RANBP2: variants seen among roughly 807,000 people sequenced by gnomAD.
RANBP2 encodes RAN binding protein 2.
RANBP2 carries 57 observed loss-of-function variants against 303.6 expected under a neutral mutation model. The ratio of observed to expected loss-of-function variants is 0.19; its 90% CI spans 0.15 to 0.23. The LOEUF (loss-of-function observed/expected upper bound fraction) is 0.23. RANBP2 is among the 10% of genes least tolerant of loss of function. The pLI, the probability that RANBP2 is intolerant of heterozygous loss-of-function variation, is 1.00. For missense variants in RANBP2, 3,138 were observed against 3,780.8 expected (o/e 0.83, Z 4.46); for synonymous variants, 1,167 against 1,301.5 (o/e 0.90, Z 2.23).
chr2:109,646,613 T>G, the RANBP2 span, among the ~76,000 whole-genome samples: 1 of 151,286 alleles, frequency 6.6e-6, no homozygotes, highest in Non-Finnish European at 1.5e-5. Context: ...TGCATCAGCC[T>G]CCCGAATAGC....
chr2:109,026,926 C>T, the RANBP2 span, among the ~76,000 whole-genome samples: 3 of 151,514 alleles, frequency 2.0e-5, no homozygotes, highest in Non-Finnish European at 4.4e-5. Flanking sequence ...TGGTGGTGGG[C>T]GTCTCAAAAA....
chr2:108,894,388 C>G, the RANBP2 span: 1 of 152,536 alleles, frequency 6.6e-6, no homozygotes, highest in Admixed American at 6.6e-5. Flanking sequence ...TAACCAGGAA[C>G]AGAGCAATCA....
At chr2:109,089,323 C>T in the RANBP2 span, among the ~76,000 whole-genome samples, 2 of 152,028 alleles carry the variant, frequency 1.3e-5, no homozygotes, top group Admixed American at 6.5e-5. Context: ...CAGGGGTTGG[C>T]TGGGTGCAGT....
At chr2:109,501,178 G>A in the RANBP2 span, among the ~76,000 whole-genome samples, 2 of 152,164 alleles carry the variant, frequency 1.3e-5, no homozygotes, top group Non-Finnish European at 2.9e-5. Flanking sequence ...CCGCAGTCTA[G>A]GTGGGTGGGC....
the RANBP2 span, among the ~76,000 whole-genome samples, chr2:109,622,487 T>C: frequency 6.6e-6 from 1 of 152,226 alleles, no homozygotes; most frequent in African/African-American, 2.4e-5. Flanking sequence ...TTGAACACTC[T>C]GTTGTTACTT....
At chr2:109,706,992 C>CA in the RANBP2 span, among the ~76,000 whole-genome samples, 1 of 152,178 alleles carries the variant, frequency 6.6e-6, no homozygotes, top group African/African-American at 2.4e-5. Context: ...AGGGAAGACC[C>CA]ACCAGCTGCT....
the RANBP2 span, among the ~76,000 whole-genome samples, chr2:108,973,935 A>T: frequency 7.2e-5 from 11 of 152,236 alleles, no homozygotes; most frequent in African/African-American, 2.7e-4. Context: ...CGGAGCTGTA[A>T]GCATCACCTT....
the RANBP2 span, among the ~76,000 whole-genome samples, chr2:109,126,327 C>T: frequency 6.6e-6 from 1 of 152,174 alleles, no homozygotes; most frequent in African/African-American, 2.4e-5. Flanking sequence ...TCTTGTCTGT[C>T]TTGGGTCGTG....
At chr2:109,215,797 A>G in the RANBP2 span, among the ~76,000 whole-genome samples, 1 of 151,988 alleles carries the variant, frequency 6.6e-6, no homozygotes, top group Admixed American at 6.6e-5. Context: ...ATGAGCTGGG[A>G]TTTGCCCTGT....
chr2:109,122,545 A>G, the RANBP2 span, among the ~76,000 whole-genome samples: 1 of 152,190 alleles, frequency 6.6e-6, no homozygotes. Flanking sequence ...CCTCCACTGT[A>G]TGGGTTTGGT....
chr2:108,827,297 T>C, the RANBP2 span, among the ~76,000 whole-genome samples: 2 of 152,178 alleles, frequency 1.3e-5, no homozygotes, highest in Non-Finnish European at 2.9e-5. Context: ...ATCTTCCAAA[T>C]ACATCAATAT....
the RANBP2 span, among the ~76,000 whole-genome samples, chr2:109,203,063 A>G: frequency 0.031 from 4,765 of 152,242 alleles, 251 homozygotes; most frequent in African/African-American, 0.11. Flanking sequence ...GAGGCTCCAA[A>G]GGCTACAGAA....
chr2:109,264,304 C>T, the RANBP2 span, among the ~76,000 whole-genome samples: 2 of 148,750 alleles, frequency 1.3e-5, no homozygotes, highest in African/African-American at 2.5e-5. Flanking sequence ...ACAGGATCCA[C>T]CCCAAGTCTG....
At chr2:109,214,330 A>G in the RANBP2 span, among the ~76,000 whole-genome samples, 2 of 152,110 alleles carry the variant, frequency 1.3e-5, no homozygotes, top group African/African-American at 4.8e-5. Flanking sequence ...CTACCCTGGC[A>G]GAGGAGGGGC....
chr2:109,326,695 A>G, the RANBP2 span, among the ~76,000 whole-genome samples: 1 of 152,196 alleles, frequency 6.6e-6, no homozygotes, highest in Non-Finnish European at 1.5e-5. Context: ...TGAAAGATCT[A>G]TCTGTTCTTG....
chr2:109,349,268 G>A, the RANBP2 span, among the ~76,000 whole-genome samples: 1 of 152,112 alleles, frequency 6.6e-6, no homozygotes, highest in Admixed American at 6.5e-5. Context: ...TTGTTCTATT[G>A]TTCAGCCTGA....
At chr2:109,076,822 A>C in the RANBP2 span, among the ~76,000 whole-genome samples, 2 of 150,650 alleles carry the variant, frequency 1.3e-5, no homozygotes, top group African/African-American at 2.4e-5. Flanking sequence ...TACTGCCCAA[A>C]GTGACCTACA....
At chr2:109,578,731 C>T in the RANBP2 span, among the ~76,000 whole-genome samples, 1 of 151,782 alleles carries the variant, frequency 6.6e-6, no homozygotes, top group Admixed American at 6.6e-5. Flanking sequence ...TGTGCCACTG[C>T]ACTCTAGCCT....
At chr2:109,097,821 C>T in the RANBP2 span, among the ~76,000 whole-genome samples, 9 of 151,522 alleles carry the variant, frequency 5.9e-5, no homozygotes, top group African/African-American at 1.9e-4. Flanking sequence ...TCAAGGTGGT[C>T]GGGGACAGGC....
Sources: allele counts gnomAD v4.1 joint callset (sites outside exome capture counted in the v4.1 genomes callset), GRCh38; gene constraint gnomAD v4.1.1; transcripts MANE v1.5; gene names NCBI Gene and HGNC (gene_info 2026-07-23, HGNC 2026-07-21).